PKNOX2: variants seen among roughly 807,000 people sequenced by gnomAD.
PKNOX2 encodes PBX/knotted 1 homeobox 2.
PKNOX2 carries 14 observed loss-of-function variants against 53.1 expected under a neutral mutation model. That is an observed-to-expected ratio of 0.26 (90% confidence interval 0.17 to 0.41). The LOEUF is 0.41. Among genes scored for constraint, PKNOX2 ranks in the 10% least tolerant of loss-of-function variants. PKNOX2 has a pLI of 1.00. For synonymous variants in PKNOX2, 257 were observed against 242.8 expected (o/e 1.06, Z -0.54); for missense variants, 496 against 602.8 (o/e 0.82, Z 1.85).
intron 10 of PKNOX2, among the ~76,000 whole-genome samples, chr11:125,423,570 C>G (rs1956273442): frequency 6.6e-6 from 1 of 152,176 alleles, no homozygotes; most frequent in Non-Finnish European, 1.5e-5. Flanking sequence ...GCATACTGAA[C>G]ACTTACTACA....
intron 10 of PKNOX2, among the ~76,000 whole-genome samples, chr11:125,416,757 C>T (rs1419582990): frequency 6.6e-6 from 1 of 152,056 alleles, no homozygotes; most frequent in Non-Finnish European, 1.5e-5. Context: ...AATCCACAAA[C>T]TTTGCTAAAT....
At chr11:125,177,124 A>G (rs928792631) in intron 1 of PKNOX2, among the ~76,000 whole-genome samples, 2 of 152,134 alleles carry the variant, frequency 1.3e-5, no homozygotes, top group African/African-American at 2.4e-5. Flanking sequence ...GACTATATTT[A>G]TTACAAAAAG....
At chr11:125,322,294 G>A (rs2136067260) in intron 2 of PKNOX2, among the ~76,000 whole-genome samples, 1 of 152,250 alleles carries the variant, frequency 6.6e-6, no homozygotes, top group East Asian at 1.9e-4. Context: ...GAGGGTACTG[G>A]AGAAAAATGG....
chr11:125,180,639 T>C (rs2135270975), intron 1 of PKNOX2, among the ~76,000 whole-genome samples: 1 of 139,632 alleles, frequency 7.2e-6, no homozygotes, highest in East Asian at 2.2e-4. Context: ...ACTCCAGGAC[T>C]CTTCACGAAG....
intron 3 of PKNOX2, among the ~76,000 whole-genome samples, chr11:125,340,365 T>C (rs1012383420): frequency 6.6e-5 from 10 of 152,202 alleles, no homozygotes; most frequent in African/African-American, 2.4e-4. Context: ...TTTCTGCACT[T>C]CTCCAGTTTC....
intron 5 of PKNOX2, among the ~76,000 whole-genome samples, chr11:125,384,939 C>T (rs979926417): frequency 6.6e-6 from 1 of 152,142 alleles, no homozygotes; most frequent in African/African-American, 2.4e-5. Context: ...TGTAAATAAT[C>T]GTTGCATCAT....
At chr11:125,378,405 C>A (rs1346167152) in intron 5 of PKNOX2, among the ~76,000 whole-genome samples, 2 of 152,218 alleles carry the variant, frequency 1.3e-5, no homozygotes, top group African/African-American at 4.8e-5. Flanking sequence ...TTCTCCCATG[C>A]CTTCCACCTC....
chr11:125,387,464 A>G (rs1316857393), intron 6 of PKNOX2, among the ~76,000 whole-genome samples: 1 of 152,204 alleles, frequency 6.6e-6, no homozygotes, highest in Admixed American at 6.5e-5. Flanking sequence ...AGACCCACCA[A>G]GAACGGCCTC....
intron 11 of PKNOX2, 71 bp from the exon 12 acceptor site, chr11:125,429,892 C>A: frequency 6.7e-7 from 1 of 1,491,146 alleles, no homozygotes; most frequent in South Asian, 1.3e-5. Context: ...AAGGCAGCTT[C>A]ACCCTCCCTG....
chr11:125,200,953 C>T (rs542403212), intron 1 of PKNOX2, among the ~76,000 whole-genome samples: 6 of 152,168 alleles, frequency 3.9e-5, no homozygotes, highest in South Asian at 2.1e-4. Flanking sequence ...CACTGCACAT[C>T]GAGGGACTTG....
intron 1 of PKNOX2, among the ~76,000 whole-genome samples, chr11:125,189,419 G>GTATATATATATA (rs1277612431): frequency 2.5e-5 from 1 of 40,214 alleles, no homozygotes; most frequent in African/African-American, 8.5e-5. Flanking sequence ...ATATATGTGT[G>GTATATATATATA]TGTGTGTGTG....
chr11:125,189,093 G>A (rs1434319268), intron 1 of PKNOX2, among the ~76,000 whole-genome samples: 1 of 151,664 alleles, frequency 6.6e-6, no homozygotes, highest in Admixed American at 6.6e-5. Flanking sequence ...TCGTATTTTG[G>A]GGTTGACTTT....
At chr11:125,301,103 G>T (rs1181859753) in intron 2 of PKNOX2, among the ~76,000 whole-genome samples, 1 of 152,168 alleles carries the variant, frequency 6.6e-6, no homozygotes, top group Non-Finnish European at 1.5e-5. Flanking sequence ...TGAGCTTGAA[G>T]GTGTCACTGG....
chr11:125,236,530 G>T (rs1426470206), intron 2 of PKNOX2, among the ~76,000 whole-genome samples: 1 of 152,132 alleles, frequency 6.6e-6, no homozygotes, highest in South Asian at 2.1e-4. Context: ...CTGAGAGCGT[G>T]GGGGGAAATA....
chr11:125,301,034 G>A (rs1336901725), intron 2 of PKNOX2, among the ~76,000 whole-genome samples: 2 of 152,190 alleles, frequency 1.3e-5, no homozygotes, highest in Non-Finnish European at 2.9e-5. Flanking sequence ...AAATGAAAGT[G>A]CTGATAATAG....
At position 125,277,681 on chromosome 11, in the gene PKNOX2, G is replaced by A. The variant is rs549666738; in HGVS notation, c.-130+42566G>A. On this transcript the variant is annotated intron_variant, in intron 2 of 12. Coordinates refer to ENST00000298282, the MANE Select transcript of PKNOX2 (RefSeq NM_001382323.2). ...TGTACAAAAATAAAATTAGATAGAAGGAATAAGTTCTAGTGTTCAATAGTA... is the reference window on the plus strand; with the variant it reads ...TGTACAAAAATAAAATTAGATAGAAAGAATAAGTTCTAGTGTTCAATAGTA... 1.5e-4 allele frequency: 23 copies of A among 152,092 alleles called. No homozygotes were observed. In the East Asian group the frequency reaches 2.3e-3, roughly 15 times the overall value. 9.4% of individuals were successfully genotyped at this position (152,092 alleles called of 1,614,324 possible).
rs561738857 is a variant in PKNOX2 at position 125,165,739 on chromosome 11, G to A, written c.-201+963G>A. Among the ~76,000 whole-genome samples, 2 of 152,318 alleles carry A rather than the reference G, an allele frequency of 1.3e-5. No homozygotes were observed. Among genetic ancestry groups the A allele is most frequent in the South Asian group, 4.1e-4 (2 of 4,832 alleles). ...TGGTGAGGCGGGCGTAGGGGCCCGC[G>A]CGAGGCTTGGGAATCGGGAGCCCTT... is the stretch of plus-strand genomic sequence containing the variant. On this transcript the variant is annotated intron_variant, in intron 1 of 12. Transcript: ENST00000298282. The surrounding 1 kb of genome is among the most constrained non-coding windows in gnomAD (Gnocchi z 4.5).
At chr11:125,244,860 C>T (rs1173626996) in intron 2 of PKNOX2, among the ~76,000 whole-genome samples, 1 of 152,086 alleles carries the variant, frequency 6.6e-6, no homozygotes, top group East Asian at 1.9e-4. Flanking sequence ...AAAGTGGATC[C>T]TTTTCCAGGC....
chr11:125,340,903 A>G (rs1362657740), intron 3 of PKNOX2, among the ~76,000 whole-genome samples: 1 of 151,960 alleles, frequency 6.6e-6, no homozygotes, highest in Non-Finnish European at 1.5e-5. Flanking sequence ...TACAAAAATT[A>G]GCCAGGCGTG....
Sources: allele counts gnomAD v4.1 joint callset (sites outside exome capture counted in the v4.1 genomes callset), GRCh38; gene constraint gnomAD v4.1.1; non-coding constraint Gnocchi (gnomAD v3.1); transcripts MANE v1.5; gene names NCBI Gene and HGNC (gene_info 2026-07-23, HGNC 2026-07-21).